Variants in SATB2 observed in about 807,000 individuals in gnomAD.
SATB2 encodes the protein SATB homeobox 2.
In SATB2, 1 loss-of-function variant was observed where a neutral mutation model predicts 73.4. The observed-to-expected ratio is 0.01, with a 90% CI of 0.00 to 0.06. The LOEUF is 0.06. Ranked by LOEUF, SATB2 falls within the 10% of genes least tolerant of loss-of-function variation. SATB2 has a pLI of 1.00. For synonymous variants in SATB2, 397 were observed against 367.0 expected (o/e 1.08, Z -0.93); for missense variants, 459 against 945.8 (o/e 0.49, Z 6.75).
chr2:199,290,030 A>T (rs922202023), intron 10 of SATB2, among the ~76,000 whole-genome samples: 1 of 152,114 alleles, frequency 6.6e-6, no homozygotes, highest in African/African-American at 2.4e-5. Context: ...TGTGTACAAG[A>T]AGGCCCCGTA....
chr2:199,392,031 G>A (rs1690158321), intron 3 of SATB2, among the ~76,000 whole-genome samples: 1 of 152,148 alleles, frequency 6.6e-6, no homozygotes, highest in Non-Finnish European at 1.5e-5. Context: ...GGAGTGGTCA[G>A]ATTAAGTAAA....
At chr2:199,340,297 G>C (rs998320905) in intron 7 of SATB2, among the ~76,000 whole-genome samples, 1 of 152,202 alleles carries the variant, frequency 6.6e-6, no homozygotes, top group Non-Finnish European at 1.5e-5. Flanking sequence ...TCAACAAAAT[G>C]AGTTCCCAAA....
intron 3 of SATB2, among the ~76,000 whole-genome samples, chr2:199,384,619 T>A (rs912327105): frequency 6.6e-6 from 1 of 152,216 alleles, no homozygotes; most frequent in Admixed American, 6.5e-5. Context: ...GGAAATCAAA[T>A]TGGGAAGCAG....
rs2105867973 is a variant in SATB2, at chr2:199,381,783, G to A, written c.384C>T (p.Leu128=). ...CGTCGGGTGCATCTGTCACATAACT[G>A]AGGGGGAGAGGGTTCCACCTTCCCA... ...IKLGRWNPLP[L]SYVTDAPDAT... Residue 128 remains leucine (L), a synonymous_variant, in exon 4 of 11, where the codon CTC becomes CTT. Coordinates refer to ENST00000417098, the MANE Select transcript of SATB2 (RefSeq NM_001172509.2). 2 of 1,613,988 alleles carry A rather than the reference G, an allele frequency of 1.2e-6. No homozygotes were observed. Among genetic ancestry groups the A allele is most frequent in the East Asian group, 4.5e-5 (2 of 44,884 alleles).
At chr2:199,382,992 A>G (rs1297911662) in intron 3 of SATB2, among the ~76,000 whole-genome samples, 1 of 152,224 alleles carries the variant, frequency 6.6e-6, no homozygotes, top group Non-Finnish European at 1.5e-5. Context: ...CAGCAATAGG[A>G]AATGGACTTT....
intron 8 of SATB2, among the ~76,000 whole-genome samples, chr2:199,327,573 A>C (rs969829153): frequency 6.6e-6 from 1 of 152,200 alleles, no homozygotes; most frequent in East Asian, 1.9e-4. Flanking sequence ...GTAAAAGTTT[A>C]GGGGAAATAG....
chr2:199,446,170 A>C (rs1436789902), intron 2 of SATB2, among the ~76,000 whole-genome samples: 2 of 152,222 alleles, frequency 1.3e-5, no homozygotes. Context: ...TCAGCTTCTA[A>C]TAAAGAAGAA....
At chr2:199,431,231 TC>T (rs1224934862) in intron 3 of SATB2, among the ~76,000 whole-genome samples, 1 of 152,340 alleles carries the variant, frequency 6.6e-6, no homozygotes, top group East Asian at 1.9e-4. Context: ...GAATTACCTG[TC>T]TTATCATGCA....
intron 3 of SATB2, among the ~76,000 whole-genome samples, chr2:199,428,637 A>G (rs1374129972): frequency 6.6e-6 from 1 of 152,226 alleles, no homozygotes; most frequent in African/African-American, 2.4e-5. Context: ...ACTTACTTCA[A>G]AAGTCTGTTA....
chr2:199,379,831 ATACGTAAATTGTTTTAATACTCTCTCCT>A (rs752674326), intron 5 of SATB2, among the ~76,000 whole-genome samples: 4 of 150,662 alleles, frequency 2.7e-5, no homozygotes, highest in Non-Finnish European at 5.9e-5. Flanking sequence ...CCTGGCCCGT[ATACGTAAATTGTTTTAATACTCTCTCCT>A]TACCCAGTCT....
chr2:199,376,151 C>T (rs894467983), intron 5 of SATB2, among the ~76,000 whole-genome samples: 7 of 152,074 alleles, frequency 4.6e-5, no homozygotes, highest in East Asian at 3.9e-4. Flanking sequence ...AAGAGCTATC[C>T]CAGTGAGATT....
At chr2:199,380,164 A>T (rs1158847679) in intron 5 of SATB2, among the ~76,000 whole-genome samples, 200 bp downstream of exon 5, 1 of 152,234 alleles carries the variant, frequency 6.6e-6, no homozygotes, top group Non-Finnish European at 1.5e-5. Flanking sequence ...GACTGCAGGC[A>T]TGAGCTACCC....
At chr2:199,286,655 T>C (rs535550433) in intron 10 of SATB2, among the ~76,000 whole-genome samples, 1 of 151,906 alleles carries the variant, frequency 6.6e-6, no homozygotes, top group South Asian at 2.1e-4. Flanking sequence ...GTTCCGACAC[T>C]CCTCCACCAC....
chr2:199,405,008 G>T (rs1050378500), intron 3 of SATB2, among the ~76,000 whole-genome samples: 8 of 152,198 alleles, frequency 5.3e-5, no homozygotes, highest in African/African-American at 1.7e-4. Context: ...TCAATGCATG[G>T]AAACAGTTGA....
At chr2:199,467,833 C>T (rs10197323), upstream of SATB2, among the ~76,000 whole-genome samples, 1 of 152,142 alleles carries the variant, frequency 6.6e-6, no homozygotes, top group African/African-American at 2.4e-5. Context: ...GCTTATGCCA[C>T]CTAATGCAGA....
At chr2:199,390,588 A>G (rs1690100488) in intron 3 of SATB2, among the ~76,000 whole-genome samples, 1 of 152,080 alleles carries the variant, frequency 6.6e-6, no homozygotes, top group Admixed American at 6.5e-5. Flanking sequence ...GAAAGAGTAT[A>G]CTCTTTTAAA....
At chr2:199,403,317 ATTGTATAATATTGTATATTG>A (rs1337053892) in intron 3 of SATB2, among the ~76,000 whole-genome samples, 1 of 150,842 alleles carries the variant, frequency 6.6e-6, no homozygotes, top group Non-Finnish European at 1.5e-5. Context: ...AACTTATTGT[ATTGTATAATATTGTATATTG>A]TTGTATAATA....
chr2:199,421,411 AT>A (rs1349026490), intron 3 of SATB2, among the ~76,000 whole-genome samples: 1 of 152,190 alleles, frequency 6.6e-6, no homozygotes. Flanking sequence ...CCTACCTCCA[AT>A]AATGGGCTGT....
At chr2:199,283,848 C>T (rs901155655) in intron 10 of SATB2, among the ~76,000 whole-genome samples, 5 of 152,130 alleles carry the variant, frequency 3.3e-5, no homozygotes, top group Admixed American at 1.3e-4. Context: ...AAATGGGAAG[C>T]GCATATGAAG....
Sources: allele counts gnomAD v4.1 joint callset (sites outside exome capture counted in the v4.1 genomes callset), GRCh38; gene constraint gnomAD v4.1.1; transcripts MANE v1.5; gene names NCBI Gene and HGNC (gene_info 2026-07-23, HGNC 2026-07-21).